MTHFD1L: variants seen among roughly 807,000 people sequenced by gnomAD.
The protein encoded by MTHFD1L is monofunctional C1-tetrahydrofolate synthase, mitochondrial.
Under a neutral mutation model 119.5 loss-of-function variants are expected in MTHFD1L, and 81 were observed. That is an observed-to-expected ratio of 0.68 (90% confidence interval 0.57 to 0.82). The LOEUF is 0.82. MTHFD1L is among the 40% of genes least tolerant of loss of function. MTHFD1L has a pLI of 0.00. For missense variants in MTHFD1L, 1,125 were observed against 1,253.4 expected (o/e 0.90, Z 1.55); for synonymous variants, 430 against 475.2 (o/e 0.90, Z 1.24).
intron 13 of MTHFD1L, among the ~76,000 whole-genome samples, chr6:150,940,404 A>T (rs543485067): frequency 6.6e-6 from 1 of 152,054 alleles, no homozygotes; most frequent in South Asian, 2.1e-4. Flanking sequence ...CAGAATGGGG[A>T]TGGGTACCAT....
intron 18 of MTHFD1L, among the ~76,000 whole-genome samples, chr6:150,962,176 G>A (rs1253587842): frequency 6.6e-6 from 1 of 151,988 alleles, no homozygotes; most frequent in Non-Finnish European, 1.5e-5. Context: ...TTTTAGTAGA[G>A]ATGGGGTTTC....
At chr6:150,872,135 C>A (rs557500167) in intron 1 of MTHFD1L, among the ~76,000 whole-genome samples, 1 of 152,228 alleles carries the variant, frequency 6.6e-6, no homozygotes, top group South Asian at 2.1e-4. Flanking sequence ...CTCGGCCTCC[C>A]AAAGTGCTGG....
At chr6:150,994,852 T>C (rs986732663) in intron 20 of MTHFD1L, among the ~76,000 whole-genome samples, 1 of 152,192 alleles carries the variant, frequency 6.6e-6, no homozygotes, top group African/African-American at 2.4e-5. Flanking sequence ...AGATAAAGCA[T>C]GTAGGTAGAG....
intron 26 of MTHFD1L, among the ~76,000 whole-genome samples, chr6:151,081,415 G>C (rs1480526703): frequency 6.6e-6 from 1 of 151,774 alleles, no homozygotes; most frequent in African/African-American, 2.4e-5. Context: ...CACTTTGGGA[G>C]GCTGCGGTGC....
At chr6:150,869,155 A>G (rs1778968757) in intron 1 of MTHFD1L, among the ~76,000 whole-genome samples, 1 of 152,158 alleles carries the variant, frequency 6.6e-6, no homozygotes, top group South Asian at 2.1e-4. Flanking sequence ...GGTAACCATA[A>G]CTTTTATTTT....
Position 151,035,620 on chromosome 6 carries a change from A to C in MTHFD1L, c.2694+1020A>C, listed in dbSNP as rs934351376. ...AGGCATTGTGGTGAAATTTTCATTC[A>C]TGTGCAATGAACCAAGTAAAATAAG... On this transcript the variant is annotated intron_variant, in intron 25 of 27. Coordinates refer to ENST00000367321, the MANE Select transcript of MTHFD1L (RefSeq NM_015440.5). Among the ~76,000 whole-genome samples, 7 of 152,226 alleles carry C rather than the reference A, an allele frequency of 4.6e-5. 1 individual carries two copies. The highest frequency in any genetic ancestry group is 1.9e-4 in the East Asian group (1 of 5,184).
intron 26 of MTHFD1L, among the ~76,000 whole-genome samples, chr6:151,061,442 TCAGCA>T (rs1398283892): frequency 6.6e-6 from 1 of 152,182 alleles, no homozygotes; most frequent in African/African-American, 2.4e-5. Context: ...AAGCAAATGT[TCAGCA>T]TAGACCATTT....
At chr6:151,030,295 G>T (rs1432199800) in intron 24 of MTHFD1L, among the ~76,000 whole-genome samples, 1 of 152,194 alleles carries the variant, frequency 6.6e-6, no homozygotes, top group Non-Finnish European at 1.5e-5. Context: ...GCCCATGGAG[G>T]GTTGGAGTGG....
intron 20 of MTHFD1L, among the ~76,000 whole-genome samples, chr6:150,994,094 A>AAAGAAGAAAGAAAGAAAGAAAGAAAG (rs1482239065): frequency 7.5e-5 from 9 of 119,604 alleles, no homozygotes; most frequent in Non-Finnish European, 1.1e-4. Context: ...AGAAAGAAAG[A>AAAGAAGAAAGAAAGAAAGAAAGAAAG]AAGTGACCCA....
chr6:150,963,755 T>TC (rs913399425), intron 18 of MTHFD1L, among the ~76,000 whole-genome samples: 1 of 151,962 alleles, frequency 6.6e-6, no homozygotes, highest in South Asian at 2.1e-4. Context: ...CGCCCTGTTT[T>TC]CCCCCCCTAG....
rs369248164 is a variant in MTHFD1L, at chr6:151,000,875, G to T, written c.2126-8944G>T. ...AACACCAACAGCGCTTCAGAATGAG[G>T]TACTGTCCAGCATACACCTTGCTTG... is the stretch of plus-strand genomic sequence containing the variant. On this transcript the variant is annotated intron_variant, in intron 20 of 27. Transcript: ENST00000367321. 5.3e-5 allele frequency among the ~76,000 whole-genome samples: 8 copies of T among 152,300 alleles called. No homozygotes were observed. The East Asian group carries it at 1.3e-3, about 26-fold the overall frequency.
intron 26 of MTHFD1L, among the ~76,000 whole-genome samples, chr6:151,052,834 A>G (rs929816261): frequency 2.6e-5 from 4 of 152,160 alleles, no homozygotes; most frequent in African/African-American, 9.7e-5. Flanking sequence ...CCCCTACCCA[A>G]AATGTGTGAG....
intron 2 of MTHFD1L, among the ~76,000 whole-genome samples, chr6:150,876,497 T>C (rs767914577): frequency 2.0e-5 from 3 of 152,160 alleles, no homozygotes; most frequent in Non-Finnish European, 4.4e-5. Flanking sequence ...GATTTGAAGG[T>C]GCTGGGGGAA....
chr6:150,878,129 G>A (rs1414836102), intron 4 of MTHFD1L, among the ~76,000 whole-genome samples: 1 of 152,194 alleles, frequency 6.6e-6, no homozygotes, highest in Non-Finnish European at 1.5e-5. Flanking sequence ...CTGGACCTTG[G>A]ACCACAGATC....
intron 20 of MTHFD1L, among the ~76,000 whole-genome samples, chr6:150,993,348 TCTTGC>T (rs1779313090): frequency 6.6e-6 from 1 of 152,098 alleles, no homozygotes. Context: ...TTTTGGACAG[TCTTGC>T]CCTGTTGTCC....
chr6:151,058,155 C>T (rs1351967367), intron 26 of MTHFD1L, among the ~76,000 whole-genome samples: 1 of 152,216 alleles, frequency 6.6e-6, no homozygotes, highest in Non-Finnish European at 1.5e-5. Context: ...TTCTCTTGCT[C>T]ATTTCCATAC....
intron 16 of MTHFD1L, among the ~76,000 whole-genome samples, chr6:150,949,798 G>T (rs778919235): frequency 6.6e-6 from 1 of 152,116 alleles, no homozygotes; most frequent in African/African-American, 2.4e-5. Context: ...GAAGTTAGGA[G>T]CCCTGAGTGT....
chr6:150,899,763 G>C (rs1053794931), intron 7 of MTHFD1L, among the ~76,000 whole-genome samples: 2 of 151,988 alleles, frequency 1.3e-5, no homozygotes, highest in African/African-American at 4.8e-5. Flanking sequence ...CATGAGGTCA[G>C]GAGTGTGAGA....
intron 13 of MTHFD1L, 145 bp downstream of exon 13, chr6:150,938,890 C>G (rs959437929): frequency 1.5e-5 from 13 of 857,732 alleles, no homozygotes; most frequent in Non-Finnish European, 2.4e-5. Context: ...GTTTGCATAA[C>G]TCATGCAGTG....
Sources: gnomAD v4.1 joint callset for allele counts (sites outside exome capture counted in the v4.1 genomes callset) on GRCh38, gnomAD v4.1.1 for gene constraint, MANE v1.5 for transcripts, NCBI Gene and HGNC (gene_info 2026-07-23, HGNC 2026-07-21) for gene names.